FBLN2: variants seen among roughly 807,000 people sequenced by gnomAD.
FBLN2 encodes fibulin 2.
In FBLN2, 81 loss-of-function variants were observed where a neutral mutation model predicts 123.7. The observed-to-expected ratio is 0.65, with a 90% CI of 0.55 to 0.79. The LOEUF (loss-of-function observed/expected upper bound fraction) is 0.79, where lower values mean the gene tolerates loss of function less well. Among genes scored for constraint, FBLN2 ranks in the 30% least tolerant of loss-of-function variants. The pLI is 0.00. For synonymous variants in FBLN2, 699 were observed against 701.4 expected (o/e 1.00, Z 0.05); for missense variants, 1,603 against 1,681.3 (o/e 0.95, Z 0.81).
intron 1 of FBLN2, chr3:13,569,184 G>T (rs936074458): frequency 2.8e-5 from 11 of 386,578 alleles, no homozygotes; most frequent in African/African-American, 4.5e-5. Flanking sequence ...CATTTGAGTG[G>T]CTTGTGCAAG....
chr3:13,579,482 C>T (rs1355904325), intron 2 of FBLN2, among the ~76,000 whole-genome samples: 2 of 152,224 alleles, frequency 1.3e-5, no homozygotes, highest in Non-Finnish European at 2.9e-5. Flanking sequence ...CACTTGAGAA[C>T]CACTGGTCAG....
At chr3:13,579,691 C>T (rs1704260406) in intron 2 of FBLN2, among the ~76,000 whole-genome samples, 1 of 152,210 alleles carries the variant, frequency 6.6e-6, no homozygotes, top group South Asian at 2.1e-4. Flanking sequence ...TTACCGGTTC[C>T]CTTACTGATG....
At chr3:13,595,042 T>C (rs1704796733) in intron 2 of FBLN2, among the ~76,000 whole-genome samples, 1 of 152,206 alleles carries the variant, frequency 6.6e-6, no homozygotes, top group Non-Finnish European at 1.5e-5. Context: ...AAGCTGTGCC[T>C]TCTCTTTCCA....
chr3:13,593,954 T>C (rs575720135), intron 2 of FBLN2, among the ~76,000 whole-genome samples: 2 of 152,292 alleles, frequency 1.3e-5, no homozygotes, highest in African/African-American at 4.8e-5. Context: ...CCCCTGACAC[T>C]GCAAGCTTTT....
rs1705127768 is a variant in FBLN2, at chr3:13,604,080, GGTT to G, written c.1307-3978_1307-3976del. On this transcript the variant is annotated intron_variant, in intron 2 of 17. Transcript: ENST00000404922. ...ATATCCTTCGCCCACTTTTTGATGG[GGTT>G]GTTTGATTTTTTCTTGTAAATTTAA... is the stretch of plus-strand genomic sequence containing the variant. Among the ~76,000 whole-genome samples the G allele has an allele frequency of 3.9e-5, 6 of 152,210 alleles. No homozygotes were observed. In the South Asian group the frequency reaches 1.2e-3, roughly 32 times the overall value.
intron 13 of FBLN2, 29 bp downstream of exon 13, chr3:13,629,321 G>C (rs759078696): frequency 1.9e-6 from 3 of 1,583,818 alleles, no homozygotes; most frequent in Non-Finnish European, 2.6e-6. Context: ...AGGACCCCTG[G>C]GGAACACCTG....
At chr3:13,613,671 C>T (rs1318129451) in intron 4 of FBLN2, among the ~76,000 whole-genome samples, 1 of 152,150 alleles carries the variant, frequency 6.6e-6, no homozygotes, top group Non-Finnish European at 1.5e-5. Flanking sequence ...CTGGGAAATG[C>T]CATCTTTTAA....
At chr3:13,553,394 G>C (rs1703376828) in intron 1 of FBLN2, among the ~76,000 whole-genome samples, 1 of 152,166 alleles carries the variant, frequency 6.6e-6, no homozygotes, top group Non-Finnish European at 1.5e-5. Flanking sequence ...GGGCGTGCTT[G>C]CCTGCAGTCA....
chr3:13,560,070 CCCTTCAATG>C (rs1703565006), intron 1 of FBLN2, among the ~76,000 whole-genome samples: 1 of 152,100 alleles, frequency 6.6e-6, no homozygotes. Context: ...AATACCAGCT[CCCTTCAATG>C]CCAAAAGCAA....
intron 2 of FBLN2, among the ~76,000 whole-genome samples, chr3:13,585,201 C>T (rs1316254524): frequency 1.3e-5 from 2 of 152,156 alleles, no homozygotes; most frequent in South Asian, 2.1e-4. Context: ...GTGCCTCACA[C>T]CCCCCACCAG....
At chr3:13,563,944 T>TTGAA (rs1703675036) in intron 1 of FBLN2, among the ~76,000 whole-genome samples, 1 of 152,012 alleles carries the variant, frequency 6.6e-6, no homozygotes, top group Non-Finnish European at 1.5e-5. Context: ...GGCCTTGGAG[T>TTGAA]GTTCAGGCTG....
At chr3:13,583,648 G>A (rs976603770) in intron 2 of FBLN2, among the ~76,000 whole-genome samples, 2 of 152,258 alleles carry the variant, frequency 1.3e-5, no homozygotes, top group African/African-American at 4.8e-5. Context: ...TACCTTCCTG[G>A]TCAAGGTCTA....
chr3:13,569,467 T>G (rs560844235), intron 1 of FBLN2, among the ~76,000 whole-genome samples: 2 of 141,706 alleles, frequency 1.4e-5, no homozygotes, highest in African/African-American at 5.4e-5. Context: ...GAGACTGGAG[T>G]GGGGACAGGG....
intron 16 of FBLN2, among the ~76,000 whole-genome samples, chr3:13,634,916 T>C (rs1473785476): frequency 1.3e-5 from 2 of 152,234 alleles, no homozygotes. Context: ...ATCACAGGGA[T>C]GTCAGGCAGT....
At chr3:13,636,312 T>A in intron 16 of FBLN2, 133 bp from the exon 17 acceptor site, 1 of 1,065,282 alleles carries the variant, frequency 9.4e-7, no homozygotes, top group Non-Finnish European at 1.3e-6. Flanking sequence ...GGGGCATGTG[T>A]GTGCAGGGAG....
intron 1 of FBLN2, among the ~76,000 whole-genome samples, chr3:13,557,124 C>G (rs1380727394): frequency 2.0e-5 from 3 of 152,230 alleles, no homozygotes; most frequent in Non-Finnish European, 4.4e-5. Flanking sequence ...ACCAGCCCAG[C>G]CTGGGAAGAA....
At chr3:13,575,832 C>T (rs1295504399) in intron 2 of FBLN2, among the ~76,000 whole-genome samples, 1 of 152,186 alleles carries the variant, frequency 6.6e-6, no homozygotes. Flanking sequence ...GCATGTTCCG[C>T]TCCTCCCCCA....
intron 1 of FBLN2, among the ~76,000 whole-genome samples, chr3:13,553,909 GC>G (rs1365025680): frequency 2.0e-5 from 3 of 152,208 alleles, no homozygotes; most frequent in Non-Finnish European, 4.4e-5. Context: ...AATCGGGGGC[GC>G]CCCCCTGGCT....
chr3:13,624,312 T>C (rs1705951891), intron 9 of FBLN2, among the ~76,000 whole-genome samples: 1 of 152,204 alleles, frequency 6.6e-6, no homozygotes, highest in African/African-American at 2.4e-5. Context: ...CTGACCCTGG[T>C]GAGCCTCCGC....
Sources: allele counts gnomAD v4.1 joint callset (sites outside exome capture counted in the v4.1 genomes callset), GRCh38; gene constraint gnomAD v4.1.1; transcripts MANE v1.5; gene names NCBI Gene and HGNC (gene_info 2026-07-23, HGNC 2026-07-21).